The following SLC4A4 variants were observed in gnomAD, a reference collection of about 807,000 sequenced individuals.
SLC4A4 encodes the protein electrogenic sodium bicarbonate cotransporter 1.
In SLC4A4, 27 loss-of-function variants were observed where a neutral mutation model predicts 111.5. That is an observed-to-expected ratio of 0.24 (90% confidence interval 0.18 to 0.33). The LOEUF is 0.33. SLC4A4 is among the 10% of genes least tolerant of loss of function. SLC4A4 has a pLI of 1.00. For synonymous variants in SLC4A4, 443 were observed against 463.4 expected, an observed-to-expected ratio of 0.96 and a Z score of 0.57; for missense variants, 909 against 1,315.5, an observed-to-expected ratio of 0.69 and a Z score of 4.78.
chr4:71,229,792 C>T (rs947710171), intron 1 of SLC4A4, among the ~76,000 whole-genome samples: 1 of 150,408 alleles, frequency 6.6e-6, no homozygotes, highest in Admixed American at 6.6e-5. Context: ...AATGAAAGGC[C>T]TTCTTAGAGC....
In SLC4A4 at chr4:71,453,556, T is replaced by C; in HGVS notation, c.1384T>C (p.Tyr462His). 1.9e-6 allele frequency: 3 copies of C among 1,614,012 alleles called. No individual in the cohort carries two copies. Among genetic ancestry groups the C allele is most frequent in the Non-Finnish European group, 2.5e-6 (3 of 1,179,886 alleles). Residue 462 changes from tyrosine to histidine, a missense_variant, in exon 12 of 26, where the codon TAT becomes CAT. Coordinates refer to ENST00000264485, the MANE Select transcript of SLC4A4 (RefSeq NM_001098484.3). Reference sequence around the variant, plus strand: ...AGCGCCATTTTTTGCCAGTGATTTTTATGATGCTTTAAATATTCAAGCTCT... The same window carrying C: ...AGCGCCATTTTTTGCCAGTGATTTTCATGATGCTTTAAATATTCAAGCTCT... ...RKAPFFASDF[Y>H]DALNIQALSA...
chr4:71,395,817 G>A (rs537948091), intron 6 of SLC4A4, among the ~76,000 whole-genome samples: 1 of 152,220 alleles, frequency 6.6e-6, no homozygotes, highest in South Asian at 2.1e-4. Flanking sequence ...TAAATTATTT[G>A]ATGATTAGAA....
At chr4:71,536,493 T>A (rs1463135706) in intron 18 of SLC4A4, among the ~76,000 whole-genome samples, 1 of 125,232 alleles carries the variant, frequency 8.0e-6, no homozygotes, top group Non-Finnish European at 1.7e-5. Flanking sequence ...TATATGTATA[T>A]ATTTATTTAT....
intron 2 of SLC4A4, among the ~76,000 whole-genome samples, chr4:71,150,754 C>A (rs546027647): frequency 6.6e-6 from 1 of 152,214 alleles, no homozygotes; most frequent in East Asian, 1.9e-4. Context: ...TGGCAGCTTG[C>A]GGTCCTTAAG....
chr4:71,308,381 T>C lies in SLC4A4; in HGVS notation c.254-30989T>C, dbSNP rs564556955. ...TATAAGCCCATCCAGAGCACTATAG[T>C]GTGCACAGTTACTGGCACATAATAG... On this transcript the variant is annotated intron_variant, in intron 3 of 25. Transcript: ENST00000264485. Among the ~76,000 whole-genome samples, 11 of 152,302 alleles carry C rather than the reference T, an allele frequency of 7.2e-5. No homozygotes were observed. In the South Asian group the frequency reaches 2.3e-3, roughly 32 times the overall value.
At chr4:71,512,656 A>G (rs1560575861) in intron 16 of SLC4A4, among the ~76,000 whole-genome samples, 1 of 151,822 alleles carries the variant, frequency 6.6e-6, no homozygotes, top group Non-Finnish European at 1.5e-5. Flanking sequence ...CCACTTGTCT[A>G]TTTTTGTTTG....
chr4:71,121,455 A>G (rs1470748666), intron 2 of SLC4A4, among the ~76,000 whole-genome samples: 1 of 152,282 alleles, frequency 6.6e-6, no homozygotes, highest in Non-Finnish European at 1.5e-5. Flanking sequence ...GGGGTGTTGG[A>G]GAACTTTTAT....
chr4:71,120,873 C>T (rs1423816955), intron 2 of SLC4A4, among the ~76,000 whole-genome samples: 1 of 152,226 alleles, frequency 6.6e-6, no homozygotes, highest in African/African-American at 2.4e-5. Flanking sequence ...GGGAGCCCCT[C>T]TCTGGGCTGG....
intron 5 of SLC4A4, among the ~76,000 whole-genome samples, chr4:71,351,369 A>T (rs1052037236): frequency 4.6e-5 from 7 of 152,204 alleles, no homozygotes; most frequent in Non-Finnish European, 8.8e-5. Flanking sequence ...TACTTTACAG[A>T]TGATGAAACT....
intron 2 of SLC4A4, among the ~76,000 whole-genome samples, chr4:71,137,567 T>A (rs1278824972): frequency 6.6e-6 from 1 of 152,224 alleles, no homozygotes; most frequent in Non-Finnish European, 1.5e-5. Flanking sequence ...GAACAAACTC[T>A]CATTCTAATA....
intron 2 of SLC4A4, among the ~76,000 whole-genome samples, chr4:71,136,021 A>G (rs1264952390): frequency 6.6e-6 from 1 of 152,206 alleles, no homozygotes; most frequent in Admixed American, 6.5e-5. Context: ...AGAGGTTCAT[A>G]GTGCTGCAGA....
chr4:71,185,021 A>G (rs562817921), upstream of SLC4A4, among the ~76,000 whole-genome samples: 54 of 152,166 alleles, frequency 3.5e-4, 2 homozygotes, highest in African/African-American at 1.2e-3. Context: ...CCTGCCTCCC[A>G]CCCCACAAAC....
At chr4:71,207,107 C>G (rs1244157052) in intron 1 of SLC4A4, among the ~76,000 whole-genome samples, 1 of 152,142 alleles carries the variant, frequency 6.6e-6, no homozygotes, top group Non-Finnish European at 1.5e-5. Context: ...CCACCTGTCT[C>G]AACTGAATAA....
intron 14 of SLC4A4, among the ~76,000 whole-genome samples, chr4:71,476,729 A>G (rs1450524673): frequency 1.3e-5 from 2 of 151,524 alleles, no homozygotes; most frequent in African/African-American, 4.8e-5. Flanking sequence ...TTTGCTCCCA[A>G]CTACTGCTTG....
chr4:71,192,965 A>G lies in SLC4A4; in HGVS notation c.-2+5564A>G, dbSNP rs1050360841. ...TACACGGTGTGTATTCTTGTGTGTG[A>G]CTTCTTTTGCTCAACATTATGTTGT... On this transcript the variant is annotated intron_variant, in intron 1 of 25. Transcript: ENST00000264485. Among the ~76,000 whole-genome samples the G allele has an allele frequency of 3.3e-5, 5 of 152,042 alleles. No individual in the cohort carries two copies. The South Asian group carries it at 1.0e-3, about 32-fold the overall frequency.
intron 3 of SLC4A4, among the ~76,000 whole-genome samples, chr4:71,292,853 T>G (rs1724476750): frequency 6.9e-6 from 1 of 145,028 alleles, no homozygotes; most frequent in African/African-American, 2.6e-5. Context: ...TTTTTTTTTT[T>G]TTTTTTTTGA....
intron 2 of SLC4A4, among the ~76,000 whole-genome samples, chr4:71,115,789 T>C (rs1036353520): frequency 2.6e-5 from 4 of 152,234 alleles, no homozygotes; most frequent in African/African-American, 9.6e-5. Context: ...TTCTTGGAAA[T>C]AGAACTCTCT....
In SLC4A4 at chr4:71,525,281, A is replaced by T. The variant is rs1312883109; in HGVS notation, c.2167-6781A>T. ...CTGGCTTCTTATTAGATTAATTGAG[A>T]TACTGTCTAATTAATCCCGCAGAGG... On this transcript the variant is annotated intron_variant, in intron 16 of 25. Transcript: ENST00000264485. 2.0e-5 allele frequency among the ~76,000 whole-genome samples: 3 copies of T among 152,148 alleles called. No individual in the cohort carries two copies. The East Asian group carries it at 5.8e-4, about 29-fold the overall frequency.
intron 3 of SLC4A4, among the ~76,000 whole-genome samples, chr4:71,260,548 T>C (rs1721783098): frequency 6.6e-6 from 1 of 152,210 alleles, no homozygotes; most frequent in South Asian, 2.1e-4. Context: ...CCCTTCTCTA[T>C]TTTTCACCTT....
Sources: allele counts gnomAD v4.1 joint callset (sites outside exome capture counted in the v4.1 genomes callset), GRCh38; gene constraint gnomAD v4.1.1; transcripts MANE v1.5; gene names NCBI Gene and HGNC (gene_info 2026-07-23, HGNC 2026-07-21).